Variants in TMEFF2 observed in about 807,000 individuals in gnomAD.
TMEFF2 encodes the protein tomoregulin-2.
TMEFF2 carries 28 observed loss-of-function variants against 53.8 expected under a neutral mutation model. That is an observed-to-expected ratio of 0.52 (90% CI 0.39 to 0.71). The LOEUF (loss-of-function observed/expected upper bound fraction) is 0.71. TMEFF2 is among the 30% of genes least tolerant of loss of function. The pLI is 0.00. For synonymous variants in TMEFF2, 162 were observed against 166.3 expected (o/e 0.97, Z 0.20); for missense variants, 353 against 455.2 (o/e 0.78, Z 2.04).
intron 7 of TMEFF2, among the ~76,000 whole-genome samples, chr2:191,963,616 G>A (rs1692332736): frequency 6.6e-6 from 1 of 152,204 alleles, no homozygotes. Flanking sequence ...TATAGTGAAA[G>A]CAAAGGTCTG....
chr2:192,041,234 A>T (rs1363612253), intron 5 of TMEFF2, among the ~76,000 whole-genome samples: 2 of 152,190 alleles, frequency 1.3e-5, no homozygotes, highest in Non-Finnish European at 2.9e-5. Flanking sequence ...TTATATTTAG[A>T]TTATATATAT....
chr2:192,132,232 C>A (rs948789220), intron 4 of TMEFF2, among the ~76,000 whole-genome samples: 2 of 152,122 alleles, frequency 1.3e-5, no homozygotes, highest in Non-Finnish European at 1.5e-5. Context: ...AGCCCTCCCC[C>A]ACCTGCCCAG....
chr2:192,138,411 T>C (rs115446030), intron 4 of TMEFF2, among the ~76,000 whole-genome samples: 2,227 of 152,312 alleles, frequency 0.015, 48 homozygotes, highest in African/African-American at 0.051. Flanking sequence ...TCTCAAACTT[T>C]AGTGAGAAGG....
At chr2:192,106,007 T>G (rs1391425900) in intron 4 of TMEFF2, among the ~76,000 whole-genome samples, 1 of 151,868 alleles carries the variant, frequency 6.6e-6, no homozygotes, top group East Asian at 1.9e-4. Context: ...AATACACATA[T>G]GTCTTGGGAA....
intron 4 of TMEFF2, among the ~76,000 whole-genome samples, chr2:192,158,324 C>G (rs539019849): frequency 2.0e-5 from 3 of 151,760 alleles, no homozygotes; most frequent in Non-Finnish European, 4.4e-5. Flanking sequence ...GAGATTATAT[C>G]TCTGATATAT....
intron 4 of TMEFF2, among the ~76,000 whole-genome samples, chr2:192,147,500 G>T (rs908865184): frequency 3.3e-5 from 5 of 151,322 alleles, no homozygotes; most frequent in Non-Finnish European, 7.4e-5. Context: ...CCCACAACAG[G>T]CCCCGGTGTG....
chr2:192,173,946 T>A (rs1690976424), intron 4 of TMEFF2, among the ~76,000 whole-genome samples: 1 of 151,820 alleles, frequency 6.6e-6, no homozygotes, highest in Non-Finnish European at 1.5e-5. Flanking sequence ...TCTTTTAATT[T>A]CATTTTGAAT....
intron 5 of TMEFF2, among the ~76,000 whole-genome samples, chr2:192,017,654 T>C (rs80060285): frequency 0.054 from 8,197 of 152,274 alleles, 287 homozygotes; most frequent in African/African-American, 0.085. Context: ...TGGTGTTCTT[T>C]AAAGCTCAGT....
At chr2:192,044,020 C>T (rs991993577) in intron 5 of TMEFF2, 16 of 152,136 alleles carry the variant, frequency 1.1e-4, no homozygotes, top group Non-Finnish European at 1.9e-4. Context: ...TAATACATCC[C>T]CTGGTACCTA....
At chr2:191,975,080 G>C (rs1559068394) in intron 7 of TMEFF2, among the ~76,000 whole-genome samples, 1 of 150,988 alleles carries the variant, frequency 6.6e-6, no homozygotes, top group Non-Finnish European at 1.5e-5. Context: ...TATTTAAATA[G>C]AAAAAAATCA....
intron 5 of TMEFF2, among the ~76,000 whole-genome samples, chr2:192,015,805 A>G (rs529370867): frequency 6.6e-6 from 1 of 152,278 alleles, no homozygotes; most frequent in South Asian, 2.1e-4. Context: ...ACTAGGGTCC[A>G]TTCTCTTTTC....
At chr2:192,175,491 A>C (rs910067012) in intron 4 of TMEFF2, among the ~76,000 whole-genome samples, 12 of 151,656 alleles carry the variant, frequency 7.9e-5, no homozygotes, top group African/African-American at 2.7e-4. Context: ...CAAATTTATC[A>C]TAACAACAAT....
chr2:191,968,867 T>C (rs762859732), intron 7 of TMEFF2, among the ~76,000 whole-genome samples: 4 of 152,122 alleles, frequency 2.6e-5, no homozygotes, highest in Non-Finnish European at 4.4e-5. Flanking sequence ...CTCCAAATTT[T>C]TAACATCACC....
chr2:192,191,647 C>A lies in TMEFF2; in HGVS notation c.282+233G>T, dbSNP rs1002898140. ...TAATTTTCCTTTGACATCCCAAAAG[C>A]ACAACCTGAAGCTTTCTACCTCCAG... On this transcript the variant is annotated intron_variant, in intron 2 of 9. Transcript: ENST00000272771. Among the ~76,000 whole-genome samples, 11 of 152,132 alleles carry A rather than the reference C, an allele frequency of 7.2e-5. No individual in the cohort carries two copies. The East Asian group carries it at 1.3e-3, about 19-fold the overall frequency.
chr2:192,131,268 T>A (rs1489475281), intron 4 of TMEFF2, among the ~76,000 whole-genome samples: 1 of 146,622 alleles, frequency 6.8e-6, no homozygotes, highest in Non-Finnish European at 1.5e-5. Context: ...TCTCTCATTG[T>A]CTCTACCCCT....
chr2:192,103,458 G>C (rs1184630340), intron 4 of TMEFF2, among the ~76,000 whole-genome samples: 1 of 151,878 alleles, frequency 6.6e-6, no homozygotes, highest in Non-Finnish European at 1.5e-5. Flanking sequence ...TAGAATAATT[G>C]GTCTTTGTCT....
rs556126356 is a variant in TMEFF2, at chr2:191,970,832, A to T, written c.746-14454T>A. Among the ~76,000 whole-genome samples, 12 of 152,296 alleles carry T rather than the reference A, an allele frequency of 7.9e-5. No homozygotes were observed. In the East Asian group the frequency reaches 2.1e-3, roughly 27 times the overall value. On this transcript the variant is annotated intron_variant, in intron 7 of 9. Transcript: ENST00000272771. The stretch of plus-strand genomic sequence containing the variant: ...GTTTCGGCTAGGATGTGACCTGGAA[A>T]GTCTTCCTTTATTTATGTCTATTTT...
chr2:192,027,239 C>T (rs76612678), intron 5 of TMEFF2, among the ~76,000 whole-genome samples: 2,254 of 152,316 alleles, frequency 0.015, 45 homozygotes, highest in African/African-American at 0.052. Flanking sequence ...TTAAGGTCAA[C>T]TTCTCATTAT....
At chr2:192,059,829 C>T (rs934288832) in intron 4 of TMEFF2, among the ~76,000 whole-genome samples, 29 of 152,096 alleles carry the variant, frequency 1.9e-4, no homozygotes, top group African/African-American at 7.0e-4. Context: ...TAGGAATACC[C>T]CCATCAATAA....
Sources: allele counts gnomAD v4.1 joint callset (sites outside exome capture counted in the v4.1 genomes callset), GRCh38; gene constraint gnomAD v4.1.1; transcripts MANE v1.5; gene names NCBI Gene and HGNC (gene_info 2026-07-23, HGNC 2026-07-21).